Variants in WHRN observed in about 807,000 individuals in gnomAD.
The protein encoded by WHRN is whirlin, also known as CASK-interacting protein CIP98.
In WHRN, 41 loss-of-function variants were observed where a neutral mutation model predicts 68.3. The observed-to-expected ratio is 0.60, with a 90% CI of 0.47 to 0.78. The LOEUF (loss-of-function observed/expected upper bound fraction) is 0.78. Among genes scored for constraint, WHRN ranks in the 30% least tolerant of loss-of-function variants. The pLI is 0.00. For missense variants in WHRN, 1,243 were observed against 1,244.7 expected, an observed-to-expected ratio of 1.00 and a Z score of 0.02; for synonymous variants, 560 against 561.3, an observed-to-expected ratio of 1.00 and a Z score of 0.03.
At chr9:114,496,510 T>C (rs893501561) in intron 1 of WHRN, among the ~76,000 whole-genome samples, 13 of 152,094 alleles carry the variant, frequency 8.5e-5, no homozygotes, top group Non-Finnish European at 1.9e-4. Context: ...TTTCTTCCAA[T>C]GCCACCTAAA....
chr9:114,465,661 T>A (rs1840619934), intron 3 of WHRN, among the ~76,000 whole-genome samples: 1 of 152,192 alleles, frequency 6.6e-6, no homozygotes, highest in South Asian at 2.1e-4. Flanking sequence ...AAGTGAGGGT[T>A]TTGAAATTCA....
At chr9:114,501,357 A>C (rs560291446) in intron 1 of WHRN, among the ~76,000 whole-genome samples, 1 of 152,276 alleles carries the variant, frequency 6.6e-6, no homozygotes, top group Admixed American at 6.5e-5. Flanking sequence ...GTTTCAAGAG[A>C]GGGGTGGAAG....
rs1458829571 is a variant in WHRN, at chr9:114,504,987, G to A, written c.-186C>T. ...CGCGGAGACCGCTGCTAGAGTCCCG[G>A]AGGCGCGAAGACGGCGGGGGTCGCG... is the stretch of plus-strand genomic sequence containing the variant. On this transcript the variant is annotated 5_prime_UTR_variant, in exon 1 of 12. Coordinates refer to ENST00000362057, the MANE Select transcript of WHRN (RefSeq NM_015404.4). The A allele has an allele frequency of 8.1e-6, 7 of 861,550 alleles. No individual in the cohort carries two copies. Among genetic ancestry groups the A allele is most frequent in the Non-Finnish European group, 1.1e-5 (7 of 640,672 alleles). 53.4% of individuals were successfully genotyped at this position (861,550 alleles called of 1,614,324 possible).
chr9:114,491,167 A>G (rs1423477972), intron 1 of WHRN, among the ~76,000 whole-genome samples: 1 of 152,200 alleles, frequency 6.6e-6, no homozygotes. Flanking sequence ...TTCTCATTCC[A>G]TGAATAGATA....
chr9:114,417,726 A>G (rs745412382), intron 7 of WHRN, among the ~76,000 whole-genome samples: 11 of 152,258 alleles, frequency 7.2e-5, no homozygotes, highest in South Asian at 2.1e-4. Context: ...TAGACCACAC[A>G]GCGGCACTTA....
intron 1 of WHRN, among the ~76,000 whole-genome samples, chr9:114,482,651 C>A (rs1182598684): frequency 1.3e-5 from 2 of 151,570 alleles, no homozygotes; most frequent in Non-Finnish European, 2.9e-5. Flanking sequence ...AGATCGAAAA[C>A]CATGCGGTAG....
intron 9 of WHRN, 21 bp from the exon 10 acceptor site, chr9:114,404,098 A>G (rs780424976): frequency 6.2e-7 from 1 of 1,610,234 alleles, no homozygotes; most frequent in Non-Finnish European, 8.5e-7. Flanking sequence ...GAAAAGGAAG[A>G]GAGAAGCAGC....
chr9:114,498,723 G>A (rs374935152), intron 1 of WHRN, among the ~76,000 whole-genome samples: 1 of 152,288 alleles, frequency 6.6e-6, no homozygotes, highest in East Asian at 1.9e-4. Flanking sequence ...GGCTGGCATT[G>A]TCTTCCAGGA....
chr9:114,504,078 G>T, intron 1 of WHRN, 106 bp downstream of exon 1: 4 of 1,471,316 alleles, frequency 2.7e-6, no homozygotes, highest in Non-Finnish European at 2.8e-6. Flanking sequence ...AAAAAGCCCA[G>T]AAAGGCCAAG....
chr9:114,482,038 T>C (rs1842132174), intron 1 of WHRN, among the ~76,000 whole-genome samples: 1 of 148,886 alleles, frequency 6.7e-6, no homozygotes, highest in Non-Finnish European at 1.5e-5. Context: ...TGGTGAGGGA[T>C]ATAGCATTGT....
intron 1 of WHRN, among the ~76,000 whole-genome samples, chr9:114,491,176 T>C (rs1476498524): frequency 1.3e-5 from 2 of 152,198 alleles, no homozygotes; most frequent in African/African-American, 2.4e-5. Flanking sequence ...CATGAATAGA[T>C]ACGTTGATGG....
chr9:114,418,200 C>T (rs926213149), intron 7 of WHRN, among the ~76,000 whole-genome samples: 13 of 152,108 alleles, frequency 8.5e-5, no homozygotes, highest in African/African-American at 2.4e-4. Context: ...TAAACCACAG[C>T]AGTCGCTCCT....
chr9:114,500,095 G>A (rs970793605), intron 1 of WHRN, among the ~76,000 whole-genome samples: 5 of 152,120 alleles, frequency 3.3e-5, no homozygotes, highest in Non-Finnish European at 4.4e-5. Context: ...AACCTTGAGC[G>A]TCAGCTTGAG....
intron 7 of WHRN, among the ~76,000 whole-genome samples, chr9:114,414,195 C>T (rs577064536): frequency 2.6e-5 from 4 of 152,198 alleles, no homozygotes; most frequent in South Asian, 2.1e-4. Flanking sequence ...TGATCTTTCA[C>T]GTCACATTCC....
At chr9:114,459,932 G>C (rs1388408471) in intron 3 of WHRN, among the ~76,000 whole-genome samples, 3 of 152,210 alleles carry the variant, frequency 2.0e-5, no homozygotes, top group Non-Finnish European at 4.4e-5. Flanking sequence ...GTGGGGCTGG[G>C]AGGCTACCAT....
At chr9:114,502,916 T>C (rs1844054377) in intron 1 of WHRN, among the ~76,000 whole-genome samples, 1 of 152,206 alleles carries the variant, frequency 6.6e-6, no homozygotes, top group Admixed American at 6.5e-5. Context: ...AGAGGAATTG[T>C]TGCATGGAAA....
intron 3 of WHRN, among the ~76,000 whole-genome samples, chr9:114,451,074 C>T (rs1003988879): frequency 3.9e-5 from 6 of 152,154 alleles, no homozygotes; most frequent in East Asian, 1.9e-4. Context: ...TGTGTACAGG[C>T]GCACTAATGA....
At chr9:114,477,330 A>T (rs1302134649) in intron 2 of WHRN, among the ~76,000 whole-genome samples, 1 of 152,212 alleles carries the variant, frequency 6.6e-6, no homozygotes, top group African/African-American at 2.4e-5. Flanking sequence ...GGTCCTACAC[A>T]CCAGGGAGCT....
intron 1 of WHRN, among the ~76,000 whole-genome samples, chr9:114,501,391 C>A (rs1843908035): frequency 6.6e-6 from 1 of 152,138 alleles, no homozygotes; most frequent in South Asian, 2.1e-4. Context: ...AGGATCAAAT[C>A]CTCACTGAAC....
Sources: allele counts gnomAD v4.1 joint callset (sites outside exome capture counted in the v4.1 genomes callset), GRCh38; gene constraint gnomAD v4.1.1; transcripts MANE v1.5; gene names NCBI Gene and HGNC (gene_info 2026-07-23, HGNC 2026-07-21).